ARHGAP26: variants seen among roughly 807,000 people sequenced by gnomAD.
The protein encoded by ARHGAP26 is rho GTPase-activating protein 26.
ARHGAP26 carries 38 observed loss-of-function variants against 104.8 expected under a neutral mutation model. That is an observed-to-expected ratio of 0.36 (90% CI 0.28 to 0.48). ARHGAP26 has a LOEUF of 0.48. Ranked by LOEUF, ARHGAP26 falls within the 20% of genes least tolerant of loss-of-function variation. The pLI, the probability that ARHGAP26 is intolerant of heterozygous loss-of-function variation, is 0.99. For missense variants in ARHGAP26, 704 were observed against 947.9 expected (o/e 0.74, Z 3.38); for synonymous variants, 341 against 340.0 (o/e 1.00, Z -0.03).
At chr5:143,178,630 T>C (rs914132132) in intron 20 of ARHGAP26, among the ~76,000 whole-genome samples, 32 of 152,344 alleles carry the variant, frequency 2.1e-4, no homozygotes, top group Admixed American at 1.4e-3. Flanking sequence ...ATTTCTGTCG[T>C]TGTACTTAAC....
chr5:143,169,451 A>G (rs1802474934), intron 20 of ARHGAP26: 1 of 152,214 alleles, frequency 6.6e-6, no homozygotes, highest in Non-Finnish European at 1.5e-5. Context: ...CTCCTTAGAT[A>G]AGCTCTTTCC....
intron 11 of ARHGAP26, among the ~76,000 whole-genome samples, chr5:142,977,134 A>C (rs1773217180): frequency 6.6e-6 from 1 of 152,230 alleles, no homozygotes; most frequent in Non-Finnish European, 1.5e-5. Flanking sequence ...AAAATTGAGA[A>C]GTTTTAGTTA....
intron 11 of ARHGAP26, among the ~76,000 whole-genome samples, chr5:142,997,937 A>T (rs1202148474): frequency 2.0e-5 from 3 of 152,230 alleles, no homozygotes. Flanking sequence ...GAGCTCAGTG[A>T]AAACAATTCA....
chr5:143,001,706 A>G (rs1777216675), intron 11 of ARHGAP26, among the ~76,000 whole-genome samples: 1 of 152,274 alleles, frequency 6.6e-6, no homozygotes, highest in Admixed American at 6.5e-5. Flanking sequence ...GCAGAATTCT[A>G]GAATCTACAG....
rs6149274 is a variant in ARHGAP26 at position 143,167,482 on chromosome 5, C to CAAAAAAAAAA, written c.1988+20128_1988+20137dup. ...TGCATGACAGAGCAAGACTCCATCT[C>CAAAAAAAAAA]AAAAAAAAAAAAAAAAAAAAAAAAA... On this transcript the variant is annotated intron_variant, in intron 20 of 22. Transcript: ENST00000645722. Among the ~76,000 whole-genome samples the CAAAAAAAAAA allele has an allele frequency of 2.2e-4, 13 of 60,088 alleles. 2 individuals are homozygous for CAAAAAAAAAA. The highest frequency in any genetic ancestry group is 8.5e-4 in the East Asian group (2 of 2,362). 39.4% of individuals were successfully genotyped at this position (60,088 alleles called of 152,430 possible).
chr5:143,081,504 G>A (rs926401630), intron 17 of ARHGAP26, among the ~76,000 whole-genome samples: 1 of 152,196 alleles, frequency 6.6e-6, no homozygotes, highest in Admixed American at 6.5e-5. Flanking sequence ...GGAAGTCCTG[G>A]AGTCAAACAG....
At chr5:142,945,765 T>C (rs1767011520) in intron 11 of ARHGAP26, among the ~76,000 whole-genome samples, 1 of 152,204 alleles carries the variant, frequency 6.6e-6, no homozygotes, top group African/African-American at 2.4e-5. Context: ...TGTTAGTGTC[T>C]TACATAACAC....
At chr5:142,850,515 G>T (rs749066180) in intron 1 of ARHGAP26, among the ~76,000 whole-genome samples, 3 of 152,148 alleles carry the variant, frequency 2.0e-5, no homozygotes, top group Non-Finnish European at 4.4e-5. Context: ...AGTAAATTAG[G>T]AGTCAGACCT....
rs1322114893 is a variant in ARHGAP26, at chr5:142,926,275, C to A, written c.1029-5772C>A. Among the ~76,000 whole-genome samples the A allele has an allele frequency of 3.3e-5, 5 of 152,102 alleles. No individual in the cohort carries two copies. The East Asian group carries it at 7.7e-4, about 23-fold the overall frequency. ...AGAGCTGTTTTCTCCATGGCTCCTG[C>A]AGTGTGAGAGGTGAGGTGCCAGCTT... On this transcript the variant is annotated intron_variant, in intron 10 of 22. Coordinates refer to ENST00000645722, the MANE Select transcript of ARHGAP26 (RefSeq NM_001135608.3).
chr5:143,198,860 A>G (rs2151300789), intron 20 of ARHGAP26, among the ~76,000 whole-genome samples: 1 of 152,322 alleles, frequency 6.6e-6, no homozygotes, highest in Non-Finnish European at 1.5e-5. Flanking sequence ...GGTTTGTTCC[A>G]TGGGTATATT....
Position 143,228,127 on chromosome 5 carries a change from C to T in ARHGAP26, c.*5681C>T, listed in dbSNP as rs760256807. 8.4e-5 allele frequency: 19 copies of T among 225,390 alleles called. No homozygotes were observed. Among genetic ancestry groups the T allele is most frequent in the Non-Finnish European group, 1.5e-4 (17 of 113,226 alleles). The allele number at this position is 225,390 out of a possible 1,614,324, so 14.0% of individuals were successfully genotyped here. A position where few individuals can be genotyped will look rare whatever the true frequency, so the allele number is the denominator to read the frequency against. On this transcript the variant is annotated 3_prime_UTR_variant, in exon 23 of 23. Coordinates refer to ENST00000645722, the MANE Select transcript of ARHGAP26 (RefSeq NM_001135608.3). ...GACATTCTATACTGTTCTACGTCAA[C>T]CATTTCTACAAAGTTGTCCAGACAC... is the stretch of plus-strand genomic sequence containing the variant.
At position 143,055,946 on chromosome 5, in the gene ARHGAP26, TTG is replaced by T. The variant is rs1440632882; in HGVS notation, c.1374-80_1374-79del. 4 of 926,174 alleles carry T rather than the reference TTG, an allele frequency of 4.3e-6. No individual in the cohort carries two copies. The African/African-American group carries it at 5.0e-5, about 12-fold the overall frequency. 57.4% of individuals were successfully genotyped at this position (926,174 alleles called of 1,614,324 possible). ...TTGTCTTCGAGAAATGTATTACAGTTTGTCAGTCTCTAGGCTGCTATTTAGAG... is the reference window on the plus strand; with the variant it reads ...TTGTCTTCGAGAAATGTATTACAGTTTCAGTCTCTAGGCTGCTATTTAGAG... On this transcript the variant is annotated intron_variant, in intron 15 of 22. Transcript: ENST00000645722.
intron 11 of ARHGAP26, among the ~76,000 whole-genome samples, chr5:143,007,194 GA>G (rs34602049): frequency 0.28 from 19,291 of 69,496 alleles, 1,229 homozygotes; most frequent in East Asian, 0.47. Context: ...CTCTGTCTCC[GA>G]AAAAAAAAAA....
At chr5:143,002,006 A>G (rs986193332) in intron 11 of ARHGAP26, among the ~76,000 whole-genome samples, 1 of 152,158 alleles carries the variant, frequency 6.6e-6, no homozygotes. Flanking sequence ...TCTGTGTTGG[A>G]TAACATAACA....
chr5:142,928,763 A>G (rs1030525777), intron 10 of ARHGAP26, among the ~76,000 whole-genome samples: 4 of 152,218 alleles, frequency 2.6e-5, no homozygotes, highest in Non-Finnish European at 4.4e-5. Flanking sequence ...ATTAATTTAT[A>G]TATAGTGCTT....
chr5:142,959,529 T>C (rs1481932960), intron 11 of ARHGAP26, among the ~76,000 whole-genome samples: 1 of 152,208 alleles, frequency 6.6e-6, no homozygotes, highest in Non-Finnish European at 1.5e-5. Context: ...CCTTGCTGGC[T>C]GTCAGCCAGG....
intron 14 of ARHGAP26, among the ~76,000 whole-genome samples, chr5:143,050,773 A>T (rs899845752): frequency 2.0e-5 from 3 of 152,328 alleles, no homozygotes; most frequent in African/African-American, 7.2e-5. Context: ...ACAGGACCAG[A>T]AGATGATAGA....
At chr5:142,929,083 G>A (rs1271915668) in intron 10 of ARHGAP26, among the ~76,000 whole-genome samples, 4 of 152,250 alleles carry the variant, frequency 2.6e-5, no homozygotes, top group South Asian at 4.1e-4. Context: ...GACTACAGGC[G>A]TGTGCTACCA....
At chr5:143,006,357 A>G (rs1486999317) in intron 11 of ARHGAP26, among the ~76,000 whole-genome samples, 1 of 102,404 alleles carries the variant, frequency 9.8e-6, no homozygotes, top group Admixed American at 1.1e-4. Context: ...TTTCTCTCTT[A>G]TGCTCTCTAT....
Sources: allele counts gnomAD v4.1 joint callset (sites outside exome capture counted in the v4.1 genomes callset), GRCh38; gene constraint gnomAD v4.1.1; transcripts MANE v1.5; gene names NCBI Gene and HGNC (gene_info 2026-07-23, HGNC 2026-07-21).